The following SPART variants were observed in gnomAD, a reference collection of about 807,000 sequenced individuals.
SPART encodes the protein spastic paraplegia 20 (Troyer syndrome).
Under a neutral mutation model 58.7 loss-of-function variants are expected in SPART, and 35 were observed. The observed-to-expected ratio is 0.60, with a 90% CI of 0.46 to 0.79. SPART has a LOEUF of 0.79. SPART is among the 30% of genes least tolerant of loss of function. The pLI, the probability that SPART is intolerant of heterozygous loss-of-function variation, is 0.00. For missense variants in SPART, 730 were observed against 786.1 expected (o/e 0.93, Z 0.85); for synonymous variants, 284 against 280.7 (o/e 1.01, Z -0.12).
At chr13:36,355,759 A>C (rs967237789) in intron 1 of SPART, among the ~76,000 whole-genome samples, 1 of 152,164 alleles carries the variant, frequency 6.6e-6, no homozygotes, top group African/African-American at 2.4e-5. Context: ...TCAGGCCATG[A>C]TGGGAAGTGG....
intron 1 of SPART, among the ~76,000 whole-genome samples, chr13:36,362,205 G>A (rs931511967): frequency 2.6e-5 from 4 of 152,280 alleles, no homozygotes; most frequent in South Asian, 2.1e-4. Flanking sequence ...ACAAAAATTA[G>A]CTGGGCATGG....
At chr13:36,345,790 G>C (rs1181919884) in intron 1 of SPART, among the ~76,000 whole-genome samples, 1 of 152,154 alleles carries the variant, frequency 6.6e-6, no homozygotes, top group Admixed American at 6.5e-5. Flanking sequence ...TGCAGAGAAA[G>C]GCTGCCCAAC....
At chr13:36,361,634 C>CTGA (rs1159051252) in intron 1 of SPART, among the ~76,000 whole-genome samples, 1 of 152,162 alleles carries the variant, frequency 6.6e-6, no homozygotes, top group African/African-American at 2.4e-5. Context: ...AAACTCCTGA[C>CTGA]CTCAGGTGAT....
intron 5 of SPART, among the ~76,000 whole-genome samples, chr13:36,324,660 A>T (rs888306906): frequency 1.3e-5 from 2 of 152,110 alleles, no homozygotes; most frequent in African/African-American, 4.8e-5. Context: ...TAGTAAATGG[A>T]ACAAACTTGT....
chr13:36,333,670 G>A (rs1263558303), intron 2 of SPART, among the ~76,000 whole-genome samples: 1 of 152,122 alleles, frequency 6.6e-6, no homozygotes, highest in Non-Finnish European at 1.5e-5. Context: ...TTCAATGGAT[G>A]AGTGAATGTA....
chr13:36,325,253 G>C (rs1392366401), intron 5 of SPART, among the ~76,000 whole-genome samples: 3 of 152,162 alleles, frequency 2.0e-5, no homozygotes, highest in Non-Finnish European at 4.4e-5. Flanking sequence ...TTGGGGGGTA[G>C]GGTAGTAAAA....
Position 36,314,275 on chromosome 13 carries a change from T to C in SPART, c.1435A>G (p.Ile479Val). The C allele has an allele frequency of 6.2e-7, 1 of 1,614,152 alleles. No homozygotes were observed. Among genetic ancestry groups the C allele is most frequent in the Non-Finnish European group, 8.5e-7 (1 of 1,180,022 alleles). ...GCTCCTCCTGTAGCTTGCTTCGCTA[T>C]ATAAAGTCCCTTGGTGACAGCTGGA... ...VSPAVTKGLYIAKQATGGAAK... is the reference protein window; with the variant it reads ...VSPAVTKGLYVAKQATGGAAK... The change falls in exon 6 of 9, where the codon ATA becomes GTA. Residue 479 changes from isoleucine to valine, a missense_variant. Transcript: ENST00000438666.
At chr13:36,320,062 T>C (rs565086177) in intron 5 of SPART, among the ~76,000 whole-genome samples, 37 of 152,194 alleles carry the variant, frequency 2.4e-4, no homozygotes, top group Non-Finnish European at 4.3e-4. Flanking sequence ...TTGACCTTAC[T>C]GTTTTAGCCT....
At chr13:36,309,933 TAAAAC>T (rs899332878) in intron 8 of SPART, among the ~76,000 whole-genome samples, 7 of 152,126 alleles carry the variant, frequency 4.6e-5, no homozygotes, top group Admixed American at 4.6e-4. Context: ...CTTCCTATCT[TAAAAC>T]AAACAAACAA....
intron 1 of SPART, among the ~76,000 whole-genome samples, chr13:36,367,473 T>A (rs913198751): frequency 1.5e-4 from 23 of 152,102 alleles, no homozygotes; most frequent in Non-Finnish European, 2.8e-4. Flanking sequence ...TATACCTGGC[T>A]GGTATCTGTG....
intron 1 of SPART, among the ~76,000 whole-genome samples, chr13:36,339,178 AAAG>A (rs1240798897): frequency 6.6e-6 from 1 of 152,162 alleles, no homozygotes; most frequent in African/African-American, 2.4e-5. Context: ...GTGCATACTG[AAAG>A]AAGGATATTC....
intron 4 of SPART, among the ~76,000 whole-genome samples, chr13:36,327,272 T>G (rs1303882785): frequency 6.6e-6 from 1 of 152,182 alleles, no homozygotes; most frequent in Non-Finnish European, 1.5e-5. Context: ...CTCTTAAAGC[T>G]AAATGAACTC....
intron 5 of SPART, among the ~76,000 whole-genome samples, chr13:36,321,806 G>A (rs1363392923): frequency 6.6e-6 from 1 of 152,182 alleles, no homozygotes; most frequent in Non-Finnish European, 1.5e-5. Flanking sequence ...ACGCCCAGAT[G>A]GCCTGAAGTA....
intron 8 of SPART, among the ~76,000 whole-genome samples, chr13:36,308,201 T>A (rs1035425148): frequency 6.6e-6 from 1 of 152,294 alleles, no homozygotes; most frequent in African/African-American, 2.4e-5. Flanking sequence ...AAGTTATTAC[T>A]GGTTCAATAC....
intron 6 of SPART, among the ~76,000 whole-genome samples, chr13:36,313,199 CAACTGCTAAGCAGTA>C (rs937323032): frequency 2.5e-4 from 38 of 152,116 alleles, no homozygotes; most frequent in Admixed American, 2.0e-4. Flanking sequence ...TCTTGACCCT[CAACTGCTAAGCAGTA>C]AACTGCTCTC....
At chr13:36,342,604 C>G (rs763052460) in intron 1 of SPART, among the ~76,000 whole-genome samples, 1 of 152,142 alleles carries the variant, frequency 6.6e-6, no homozygotes, top group Non-Finnish European at 1.5e-5. Flanking sequence ...ATGCCCATAG[C>G]AGCACCACCC....
chr13:36,341,361 A>G (rs1884569164), intron 1 of SPART, among the ~76,000 whole-genome samples: 1 of 152,238 alleles, frequency 6.6e-6, no homozygotes, highest in African/African-American at 2.4e-5. Context: ...ATAGTATCTT[A>G]TTTATCCAAA....
intron 1 of SPART, among the ~76,000 whole-genome samples, chr13:36,352,780 C>T (rs1052257747): frequency 1.9e-4 from 26 of 136,420 alleles, no homozygotes; most frequent in Middle Eastern, 3.8e-3. Context: ...AGGGAGATCC[C>T]GTTTCCAAAA....
intron 1 of SPART, among the ~76,000 whole-genome samples, chr13:36,336,955 C>T (rs1049292711): frequency 2.0e-5 from 3 of 152,146 alleles, no homozygotes; most frequent in African/African-American, 7.2e-5. Context: ...ATGGGAAAAA[C>T]TGGTCTATGA....
Sources: allele counts gnomAD v4.1 joint callset (sites outside exome capture counted in the v4.1 genomes callset), GRCh38; gene constraint gnomAD v4.1.1; transcripts MANE v1.5; gene names NCBI Gene and HGNC (gene_info 2026-07-23, HGNC 2026-07-21).